Variants in PPFIBP2 observed in about 807,000 individuals in gnomAD.
The protein encoded by PPFIBP2 is PPFIB scaffold protein 2.
PPFIBP2 carries 118 observed loss-of-function variants against 118.3 expected under a neutral mutation model. That is an observed-to-expected ratio of 1.00 (90% CI 0.86 to 1.16). PPFIBP2 has a LOEUF of 1.16. Among genes scored for constraint, PPFIBP2 ranks in the 50% most tolerant of loss-of-function variants. The probability of loss-of-function intolerance (pLI) is 0.00; values close to 1 mark genes in which losing one functional copy is unlikely to be tolerated. For missense variants in PPFIBP2, 1,195 were observed against 1,073.1 expected (o/e 1.11, Z -1.59); for synonymous variants, 414 against 397.4 (o/e 1.04, Z -0.50).
At chr11:7,641,431 A>G in intron 15 of PPFIBP2, 48 bp from the exon 16 acceptor site, 2 of 1,602,250 alleles carry the variant, frequency 1.2e-6, no homozygotes, top group Middle Eastern at 1.7e-4. Flanking sequence ...GAAGGGTTCC[A>G]GGGGTCACAT....
At chr11:7,531,008 A>T (rs1276102200) in intron 1 of PPFIBP2, among the ~76,000 whole-genome samples, 1 of 152,104 alleles carries the variant, frequency 6.6e-6, no homozygotes, top group Non-Finnish European at 1.5e-5. Context: ...GTCCCAGGAG[A>T]TCATTAGACC....
intron 7 of PPFIBP2, among the ~76,000 whole-genome samples, chr11:7,622,711 TG>T (rs1362030322): frequency 6.6e-6 from 1 of 152,220 alleles, no homozygotes; most frequent in Non-Finnish European, 1.5e-5. Context: ...TGTGTGTATC[TG>T]AGTGTAGTTT....
chr11:7,621,238 A>G (rs934888470), intron 7 of PPFIBP2, among the ~76,000 whole-genome samples: 23 of 152,160 alleles, frequency 1.5e-4, no homozygotes, highest in African/African-American at 5.1e-4. Context: ...GAATTGGTCA[A>G]TTGTAGTAAC....
chr11:7,651,261 G>A (rs771793582), intron 22 of PPFIBP2: 4 of 336,952 alleles, frequency 1.2e-5, no homozygotes, highest in Non-Finnish European at 2.2e-5. Flanking sequence ...GGCTGAGGAA[G>A]GGACGGGGAA....
intron 2 of PPFIBP2, among the ~76,000 whole-genome samples, chr11:7,553,025 G>C (rs1472028658): frequency 6.6e-6 from 1 of 152,074 alleles, no homozygotes; most frequent in Non-Finnish European, 1.5e-5. Context: ...GGTGGTTTTA[G>C]GCATTTTAGT....
At chr11:7,645,063 ATTTTAAACACAACCAG>A (rs1212136304) in intron 17 of PPFIBP2, among the ~76,000 whole-genome samples, 1 of 139,252 alleles carries the variant, frequency 7.2e-6, no homozygotes, top group African/African-American at 2.6e-5. Flanking sequence ...AAAAAAAGGT[ATTTTAAACACAACCAG>A]TTTTAAGACT....
chr11:7,651,989 C>T (rs903679010), intron 23 of PPFIBP2, 145 bp downstream of exon 23: 5 of 777,254 alleles, frequency 6.4e-6, no homozygotes, highest in African/African-American at 5.3e-5. Context: ...GGCTTGTGGT[C>T]TGTGAGGCCA....
chr11:7,617,014 C>T (rs148801735), intron 6 of PPFIBP2: 5 of 564,470 alleles, frequency 8.9e-6, no homozygotes, highest in East Asian at 1.5e-4. Context: ...GCTCCCTGCC[C>T]CATGCACACT....
At chr11:7,533,021 C>T (rs1202160041) in intron 1 of PPFIBP2, among the ~76,000 whole-genome samples, 1 of 129,884 alleles carries the variant, frequency 7.7e-6, no homozygotes, top group Non-Finnish European at 1.6e-5. Context: ...GAAAACTTAC[C>T]AATTCATATC....
At chr11:7,554,785 T>TGACTAGACTAGACTAGACTAGACTA (rs530273964) in intron 2 of PPFIBP2, among the ~76,000 whole-genome samples, 20 of 129,800 alleles carry the variant, frequency 1.5e-4, no homozygotes, top group African/African-American at 3.7e-4. Context: ...GAATCCCAGG[T>TGACTAGACTAGACTAGACTAGACTA]GACTAGACTA....
intron 3 of PPFIBP2, among the ~76,000 whole-genome samples, chr11:7,579,564 C>T (rs546919082): frequency 2.5e-4 from 38 of 152,196 alleles, no homozygotes; most frequent in Non-Finnish European, 5.0e-4. Flanking sequence ...ATCCTTTCAG[C>T]CAACATGTGC....
downstream of PPFIBP2, among the ~76,000 whole-genome samples, chr11:7,661,219 A>G (rs1339255124): frequency 2.1e-5 from 3 of 145,896 alleles, no homozygotes; most frequent in Admixed American, 6.8e-5. Context: ...TTGCTTTTCT[A>G]GTTCTTTTAA....
At chr11:7,518,632 C>G (rs1368910192) in intron 1 of PPFIBP2, among the ~76,000 whole-genome samples, 1 of 151,902 alleles carries the variant, frequency 6.6e-6, no homozygotes, top group Non-Finnish European at 1.5e-5. Context: ...GAGGGGATAA[C>G]GTAGAGGTCA....
chr11:7,618,349 G>A (rs1487272027), intron 6 of PPFIBP2, among the ~76,000 whole-genome samples: 1 of 152,198 alleles, frequency 6.6e-6, no homozygotes, highest in Non-Finnish European at 1.5e-5. Flanking sequence ...GTCAATGATG[G>A]ACAACAAGTA....
chr11:7,576,306 C>T (rs942490778), intron 3 of PPFIBP2: 2 of 152,336 alleles, frequency 1.3e-5, no homozygotes, highest in East Asian at 3.9e-4. Context: ...TCCCACCGCA[C>T]CCACATCAAA....
In PPFIBP2 at chr11:7,649,124, A is replaced by ATC. The variant is rs1853586743; in HGVS notation, c.1910-21_1910-20dup. On this transcript the variant is annotated intron_variant, in intron 19 of 23. Transcript: ENST00000299492. Reference sequence around the variant, plus strand: ...CTCTCATTCTCATGAATCCTGACACATCTGGGGTTTTTGTATTTGTAGGGT... The same window carrying ATC: ...CTCTCATTCTCATGAATCCTGACACATCTCTGGGGTTTTTGTATTTGTAGGGT... The ATC allele has an allele frequency of 6.9e-6, 11 of 1,602,070 alleles. No individual in the cohort carries two copies. In the East Asian group the frequency reaches 2.5e-4, roughly 36 times the overall value.
chr11:7,575,568 C>T (rs565784955), intron 3 of PPFIBP2, among the ~76,000 whole-genome samples: 1 of 152,320 alleles, frequency 6.6e-6, no homozygotes, highest in South Asian at 2.1e-4. Flanking sequence ...GTCCAGCTCC[C>T]AAATCAGCTT....
intron 2 of PPFIBP2, 73 bp downstream of exon 2, chr11:7,549,612 T>C: frequency 1.8e-6 from 2 of 1,123,132 alleles, no homozygotes; most frequent in Non-Finnish European, 2.3e-6. Flanking sequence ...CCTTTTACTT[T>C]TTTTTTTTTT....
chr11:7,617,265 C>T (rs1848767174), intron 6 of PPFIBP2: 1 of 985,304 alleles, frequency 1.0e-6, no homozygotes, highest in Admixed American at 6.1e-5. Context: ...GCCCTGCAGC[C>T]AGGACTGTGC....
Sources: gnomAD v4.1 joint callset for allele counts (sites outside exome capture counted in the v4.1 genomes callset) on GRCh38, gnomAD v4.1.1 for gene constraint, MANE v1.5 for transcripts, NCBI Gene and HGNC (gene_info 2026-07-23, HGNC 2026-07-21) for gene names.